Variants in SH3GL2 observed in about 807,000 individuals in gnomAD.
SH3GL2 encodes the protein SH3 domain containing GRB2 like 2, endophilin A1.
SH3GL2 carries 24 observed loss-of-function variants against 46.0 expected under a neutral mutation model. The observed-to-expected ratio is 0.52, with a 90% CI of 0.38 to 0.73. The LOEUF (loss-of-function observed/expected upper bound fraction) is 0.73. SH3GL2 is among the 30% of genes least tolerant of loss of function. SH3GL2 has a pLI of 0.00. For missense variants in SH3GL2, 413 were observed against 424.2 expected, an observed-to-expected ratio of 0.97 and a Z score of 0.23; for synonymous variants, 196 against 147.1, an observed-to-expected ratio of 1.33 and a Z score of -2.40.
chr9:17,782,723 T>G (rs1436379972), intron 3 of SH3GL2, among the ~76,000 whole-genome samples: 1 of 152,094 alleles, frequency 6.6e-6, no homozygotes, highest in East Asian at 1.9e-4. Context: ...AAGCTTTACC[T>G]AAGGGTTTGA....
rs373336644 is a variant in SH3GL2, at chr9:17,586,625, G to A, written c.45+7338G>A. Among the ~76,000 whole-genome samples, 7 of 152,104 alleles carry A rather than the reference G, an allele frequency of 4.6e-5. No homozygotes were observed. The East Asian group carries it at 9.7e-4, about 21-fold the overall frequency. On this transcript the variant is annotated intron_variant, in intron 1 of 8. Transcript: ENST00000380607. ...AAACTTACAGTCATGGCAGAAGGGG[G>A]ATCAAAAATGTCCTTCACATGACGG...
intron 3 of SH3GL2, among the ~76,000 whole-genome samples, chr9:17,782,427 T>G (rs959785323): frequency 2.6e-5 from 4 of 152,144 alleles, no homozygotes; most frequent in African/African-American, 7.2e-5. Flanking sequence ...AAGGGAAGAT[T>G]GGAGTGAATG....
At chr9:17,623,022 T>A in intron 1 of SH3GL2, among the ~76,000 whole-genome samples, 2 of 95,730 alleles carry the variant, frequency 2.1e-5, no homozygotes, top group South Asian at 7.8e-4. Context: ...TTTCCTTTCC[T>A]TTCCTTTCCT....
chr9:17,768,792 G>A (rs1563846639), intron 3 of SH3GL2, among the ~76,000 whole-genome samples: 4 of 152,092 alleles, frequency 2.6e-5, no homozygotes, highest in East Asian at 1.9e-4. Flanking sequence ...GGGCCAAGTC[G>A]AAATCATTTC....
At chr9:17,725,128 A>C (rs1373394561) in intron 1 of SH3GL2, among the ~76,000 whole-genome samples, 1 of 152,110 alleles carries the variant, frequency 6.6e-6, no homozygotes, top group Non-Finnish European at 1.5e-5. Flanking sequence ...GAGTAGCTTA[A>C]TGTTCAGCAA....
intron 1 of SH3GL2, among the ~76,000 whole-genome samples, chr9:17,671,552 C>A (rs1356772727): frequency 6.6e-6 from 1 of 151,942 alleles, no homozygotes; most frequent in South Asian, 2.1e-4. Context: ...TTCCATGGTA[C>A]GATTATCACT....
intron 1 of SH3GL2, among the ~76,000 whole-genome samples, chr9:17,715,720 T>G (rs2118304563): frequency 6.6e-6 from 1 of 151,268 alleles, no homozygotes; most frequent in East Asian, 2.0e-4. Flanking sequence ...GGCATCGCAT[T>G]ATGTCCAGAT....
intron 1 of SH3GL2, among the ~76,000 whole-genome samples, chr9:17,682,396 C>T (rs1189749529): frequency 1.3e-5 from 2 of 152,142 alleles, no homozygotes; most frequent in African/African-American, 4.8e-5. Context: ...GGAATGAGAT[C>T]AGATCCTTTG....
chr9:17,609,115 G>A (rs1442493008), intron 1 of SH3GL2, among the ~76,000 whole-genome samples: 3 of 152,108 alleles, frequency 2.0e-5, no homozygotes, highest in Admixed American at 6.5e-5. Context: ...TTAGTAACCC[G>A]CATTATTGAG....
intron 1 of SH3GL2, among the ~76,000 whole-genome samples, chr9:17,713,656 G>A (rs1821683649): frequency 6.6e-6 from 1 of 151,464 alleles, no homozygotes; most frequent in Admixed American, 6.6e-5. Flanking sequence ...TTATTTAGAA[G>A]TGCATTATTA....
At chr9:17,790,772 C>G (rs1824103853) in intron 6 of SH3GL2, among the ~76,000 whole-genome samples, 1 of 152,214 alleles carries the variant, frequency 6.6e-6, no homozygotes, top group Non-Finnish European at 1.5e-5. Flanking sequence ...AGAAGATTTT[C>G]TGTCATACCA....
rs562767441 is a variant in SH3GL2, at chr9:17,710,505, A to G, written c.46-36561A>G. ...AGAAGCTAGAGGAATTTTTCAACAA[A>G]TTAAAACAATGAATTACTATATGAT... On this transcript the variant is annotated intron_variant, in intron 1 of 8. Transcript: ENST00000380607. Among the ~76,000 whole-genome samples, 3 of 152,070 alleles carry G rather than the reference A, an allele frequency of 2.0e-5. 1 individual carries two copies. Among genetic ancestry groups the G allele is most frequent in the African/African-American group, 7.2e-5 (3 of 41,502 alleles).
intron 1 of SH3GL2, among the ~76,000 whole-genome samples, chr9:17,681,537 T>C (rs1053699912): frequency 6.6e-6 from 1 of 152,126 alleles, no homozygotes; most frequent in Non-Finnish European, 1.5e-5. Flanking sequence ...CCTTACACCT[T>C]ATACAAAAGT....
intron 1 of SH3GL2, among the ~76,000 whole-genome samples, chr9:17,601,831 T>C (rs931295952): frequency 5.3e-5 from 8 of 152,148 alleles, no homozygotes; most frequent in African/African-American, 1.9e-4. Flanking sequence ...AGAATCCTAT[T>C]GGTGGGAAAT....
intron 1 of SH3GL2, among the ~76,000 whole-genome samples, chr9:17,705,050 C>CA (rs151216971): frequency 0.031 from 4,705 of 150,556 alleles, 94 homozygotes; most frequent in African/African-American, 0.051. Context: ...AATTTACAAA[C>CA]AAAAAAAAAC....
chr9:17,635,971 A>T (rs1200364340), intron 1 of SH3GL2, among the ~76,000 whole-genome samples: 1 of 152,310 alleles, frequency 6.6e-6, no homozygotes, highest in African/African-American at 2.4e-5. Context: ...TCCAAACTGT[A>T]TGTGGGCCCA....
rs186377320 is a variant in SH3GL2, at chr9:17,653,443, G to A, written c.45+74156G>A. Among the ~76,000 whole-genome samples, 433 of 152,208 alleles carry A rather than the reference G, an allele frequency of 2.8e-3. 3 individuals are homozygous for A. Among genetic ancestry groups the A allele is most frequent in the African/African-American group, 9.7e-3 (405 of 41,540 alleles). On this transcript the variant is annotated intron_variant, in intron 1 of 8. Coordinates refer to ENST00000380607, the MANE Select transcript of SH3GL2 (RefSeq NM_003026.5). ...TCTTTTTACCTTTAAGATGCCATCT[G>A]GAGAGATTTTTGGCCAGGTTTTCTA...
rs369324904 is a variant in SH3GL2 at position 17,755,832 on chromosome 9, AG to A, written c.115-5603del. On this transcript the variant is annotated intron_variant, in intron 2 of 8. Transcript: ENST00000380607. The stretch of plus-strand genomic sequence containing the variant: ...ATACCAACTTTTCTTCAGGGAAGAA[AG>A]GTAATATTCCCATGTCTCTGGAAGA... 6.0e-4 allele frequency: 566 copies of A among 946,946 alleles called. 1 individual carries two copies. The African/African-American group carries it at 9.3e-3, about 16-fold the overall frequency. The allele number at this position is 946,946 out of a possible 1,614,324, so 58.7% of individuals were successfully genotyped here.
At position 17,761,528 on chromosome 9, in the gene SH3GL2, T is replaced by C; in HGVS notation, c.187+19T>C. ...AATCCAGGTAAGGCATCATCTTATA[T>C]GTTTAAAGGATCCCTCGAGGTAACT... On this transcript the variant is annotated intron_variant, in intron 3 of 8. Transcript: ENST00000380607. 1.4e-6 allele frequency: 2 copies of C among 1,399,964 alleles called. No individual in the cohort carries two copies. The highest frequency in any genetic ancestry group is 2.3e-5 in the East Asian group (1 of 43,898). The allele number at this position is 1,399,964 out of a possible 1,614,324, so 86.7% of individuals were successfully genotyped here.
Sources: gnomAD v4.1 joint callset for allele counts (sites outside exome capture counted in the v4.1 genomes callset) on GRCh38, gnomAD v4.1.1 for gene constraint, MANE v1.5 for transcripts, NCBI Gene and HGNC (gene_info 2026-07-23, HGNC 2026-07-21) for gene names.